The following CGNL1 variants were observed in gnomAD, a reference collection of about 807,000 sequenced individuals.
The protein encoded by CGNL1 is cingulin like 1, also known as cingulin-like protein 1.
Under a neutral mutation model 141.2 loss-of-function variants are expected in CGNL1, and 132 were observed. That is an observed-to-expected ratio of 0.93 (90% CI 0.81 to 1.08). The LOEUF (loss-of-function observed/expected upper bound fraction) is 1.08, where lower values mean the gene tolerates loss of function less well. CGNL1 is among the 50% of genes least tolerant of loss of function. The pLI, the probability that CGNL1 is intolerant of heterozygous loss-of-function variation, is 0.00. For missense variants in CGNL1, 1,870 were observed against 1,588.6 expected, an observed-to-expected ratio of 1.18 and a Z score of -3.01; for synonymous variants, 690 against 622.1, an observed-to-expected ratio of 1.11 and a Z score of -1.63.
At chr15:57,379,622 C>A (rs1242441781) in intron 1 of CGNL1, among the ~76,000 whole-genome samples, 1 of 152,124 alleles carries the variant, frequency 6.6e-6, no homozygotes, top group African/African-American at 2.4e-5. Context: ...CTTTTCCTTT[C>A]TTTTCATCTT....
At chr15:57,414,833 C>T (rs1160648451) in intron 1 of CGNL1, among the ~76,000 whole-genome samples, 2 of 152,200 alleles carry the variant, frequency 1.3e-5, no homozygotes, top group East Asian at 3.8e-4. Context: ...TCCATGATTC[C>T]AGCCTGCTGA....
At chr15:57,417,749 C>A (rs1185225095) in intron 1 of CGNL1, among the ~76,000 whole-genome samples, 1 of 152,122 alleles carries the variant, frequency 6.6e-6, no homozygotes, top group Non-Finnish European at 1.5e-5. Context: ...AATATAGCCC[C>A]TGTTCTCATG....
chr15:57,523,067 AGT>A (rs1157195335), intron 10 of CGNL1, among the ~76,000 whole-genome samples: 5 of 152,246 alleles, frequency 3.3e-5, no homozygotes, highest in Non-Finnish European at 7.3e-5. Flanking sequence ...TGCATAGCAT[AGT>A]AAATACTGGA....
At position 57,439,148 on chromosome 15, in the gene CGNL1, G is replaced by T; in HGVS notation, c.1149G>T (p.Arg383Ser). The T allele has an allele frequency of 6.2e-7, 1 of 1,614,176 alleles. No individual in the cohort carries two copies. Among genetic ancestry groups the T allele is most frequent in the South Asian group, 1.1e-5 (1 of 91,078 alleles). ...GKRNRINTDD[R>S]KRSRSVDSAF... ...GAAACAGAATTAATACAGATGACAG[G>T]AAAAGATCCAGAAGCGTGGATAGCG... Residue 383 changes from arginine (R) to serine (S), a missense_variant, in exon 2 of 19, where the codon AGG becomes AGT. Arg to Ser is a moderately radical substitution (Grantham distance 110). Coordinates refer to ENST00000281282, the MANE Select transcript of CGNL1 (RefSeq NM_032866.5).
intron 8 of CGNL1, among the ~76,000 whole-genome samples, chr15:57,465,598 C>T (rs917019774): frequency 6.6e-6 from 1 of 152,010 alleles, no homozygotes; most frequent in African/African-American, 2.4e-5. Context: ...ACCATGTTGG[C>T]CAAGCTGGTC....
At chr15:57,400,209 A>G (rs1387602937) in intron 1 of CGNL1, among the ~76,000 whole-genome samples, 15 of 152,134 alleles carry the variant, frequency 9.9e-5, no homozygotes, top group African/African-American at 3.6e-4. Flanking sequence ...TATGTTGGCC[A>G]GGCTGGTCTT....
Position 57,395,226 on chromosome 15 carries a change from CAG to C in CGNL1, c.-16+18664_-16+18665del, listed in dbSNP as rs142962640. ...GCTAGTCAACTTGAATAACTTTTAACAGAGAGTTAGTTGTCTCTTCTGTTTCC... is the reference window on the plus strand; with the variant it reads ...GCTAGTCAACTTGAATAACTTTTAACAGAGTTAGTTGTCTCTTCTGTTTCC... On this transcript the variant is annotated intron_variant, in intron 1 of 18. Transcript: ENST00000281282. Among the ~76,000 whole-genome samples the C allele has an allele frequency of 1.6e-3, 248 of 152,352 alleles. 5 individuals carry two copies. The East Asian group carries it at 0.04, about 25-fold the overall frequency.
chr15:57,383,625 TCTTTTC>T (rs1567085394), intron 1 of CGNL1, among the ~76,000 whole-genome samples: 20 of 67,990 alleles, frequency 2.9e-4, no homozygotes, highest in African/African-American at 1.3e-3. Context: ...TCTTTTCTTT[TCTTTTC>T]TTTTTTTTTT....
In CGNL1 at chr15:57,545,620, CGGCGGCTGG is replaced by C; in HGVS notation, c.3530_3538del (p.Arg1177_Glu1180delinsGln). 1 of 1,613,618 alleles carries C rather than the reference CGGCGGCTGG, an allele frequency of 6.2e-7. No homozygotes were observed. The stretch of plus-strand genomic sequence containing the variant: ...TCGGGCCAATCTTCAGCTCAGCAAC[CGGCGGCTGG>C]AGCGGAAAGTGAAGGAGCTGGTGAT... On this transcript the variant is annotated inframe_deletion, in exon 17 of 19. Transcript: ENST00000281282.
chr15:57,501,356 G>A lies in CGNL1; in HGVS notation c.2404-15424G>A, dbSNP rs369533286. Among the ~76,000 whole-genome samples the A allele has an allele frequency of 5.9e-5, 9 of 152,334 alleles. No individual in the cohort carries two copies. In the South Asian group the frequency reaches 1.2e-3, roughly 21 times the overall value. On this transcript the variant is annotated intron_variant, in intron 8 of 18. Coordinates refer to ENST00000281282, the MANE Select transcript of CGNL1 (RefSeq NM_032866.5). ...GCAGTGCCTCCCTCAGCGGGAAGCC[G>A]AAGAGAATTCAGTGAGATGACTCAT...
chr15:57,538,128 G>A (rs1455415274), intron 14 of CGNL1, among the ~76,000 whole-genome samples: 2 of 152,254 alleles, frequency 1.3e-5, no homozygotes, highest in Non-Finnish European at 2.9e-5. Context: ...GCTAACAGCA[G>A]GGACACATAG....
At position 57,503,329 on chromosome 15, in the gene CGNL1, G is replaced by C. The variant is rs2064053384; in HGVS notation, c.2404-13451G>C. Among the ~76,000 whole-genome samples, 5 of 152,206 alleles carry C rather than the reference G, an allele frequency of 3.3e-5. No homozygotes were observed. In the South Asian group the frequency reaches 1.0e-3, roughly 32 times the overall value. ...AATCACGAGTCACCTGGGTTGATGT[G>C]GGTATCTTAGGGGTCAGGCTGGGGT... On this transcript the variant is annotated intron_variant, in intron 8 of 18. Transcript: ENST00000281282.
chr15:57,524,772 T>G (rs2031508560), intron 12 of CGNL1, 21 bp downstream of exon 12: 1 of 1,611,908 alleles, frequency 6.2e-7, no homozygotes, highest in African/African-American at 1.3e-5. Context: ...GCCAGATAAG[T>G]TCTTCCTTTA....
At chr15:57,447,173 C>G (rs1316900014) in intron 4 of CGNL1, among the ~76,000 whole-genome samples, 1 of 152,142 alleles carries the variant, frequency 6.6e-6, no homozygotes, top group Admixed American at 6.5e-5. Flanking sequence ...TTATTTATGT[C>G]TTAGCATCTC....
At chr15:57,403,337 T>C (rs1306148125) in intron 1 of CGNL1, among the ~76,000 whole-genome samples, 1 of 152,152 alleles carries the variant, frequency 6.6e-6, no homozygotes, top group Non-Finnish European at 1.5e-5. Flanking sequence ...TGATATTGTT[T>C]TTGCAAGCAT....
At chr15:57,511,423 A>G (rs1332539764) in intron 8 of CGNL1, among the ~76,000 whole-genome samples, 1 of 152,194 alleles carries the variant, frequency 6.6e-6, no homozygotes, top group African/African-American at 2.4e-5. Flanking sequence ...TTTGCTATTA[A>G]GGTACTGCAG....
intron 1 of CGNL1, among the ~76,000 whole-genome samples, chr15:57,400,887 TAAAAAAA>T: frequency 2.6e-5 from 2 of 77,898 alleles, no homozygotes; most frequent in East Asian, 3.9e-4. Flanking sequence ...TGTCTCAAAT[TAAAAAAA>T]AAAAAAAAAA....
At chr15:57,513,540 G>C (rs1220344879) in intron 8 of CGNL1, among the ~76,000 whole-genome samples, 1 of 151,712 alleles carries the variant, frequency 6.6e-6, no homozygotes, top group East Asian at 1.9e-4. Context: ...TTTTTTTTGA[G>C]ATGGAGTCTC....
In CGNL1 at chr15:57,543,805, C is replaced by G. The variant is rs758284345; in HGVS notation, c.3375+26C>G. 17 of 1,555,256 alleles carry G rather than the reference C, an allele frequency of 1.1e-5. No individual in the cohort carries two copies. In the South Asian group the frequency reaches 1.8e-4, roughly 16 times the overall value. ...GTGAGGGCAGCCAGCCTGTGAGCTGCCCCCCCGTCCATCCGCTAACCCTCC... is the reference window on the plus strand; with the variant it reads ...GTGAGGGCAGCCAGCCTGTGAGCTGGCCCCCCGTCCATCCGCTAACCCTCC... On this transcript the variant is annotated intron_variant, in intron 15 of 18. Transcript: ENST00000281282.
Sources: allele counts gnomAD v4.1 joint callset (sites outside exome capture counted in the v4.1 genomes callset), GRCh38; gene constraint gnomAD v4.1.1; transcripts MANE v1.5; gene names NCBI Gene and HGNC (gene_info 2026-07-23, HGNC 2026-07-21).